PTPRD: variants seen among roughly 807,000 people sequenced by gnomAD.
PTPRD encodes the protein receptor-type tyrosine-protein phosphatase delta.
A neutral mutation model predicts 214.5 loss-of-function variants in PTPRD; 34 were observed. The observed-to-expected ratio is 0.16, with a 90% confidence interval of 0.12 to 0.21. The LOEUF is 0.21. Among genes scored for constraint, PTPRD ranks in the 10% least tolerant of loss-of-function variants. PTPRD has a pLI of 1.00. For missense variants in PTPRD, 2,545 were observed against 2,398.7 expected (o/e 1.06, Z -1.27); for synonymous variants, 1,128 against 845.7 (o/e 1.33, Z -5.79).
At chr9:9,822,050 A>G (rs1245609648) in intron 5 of PTPRD, among the ~76,000 whole-genome samples, 2 of 151,770 alleles carry the variant, frequency 1.3e-5, no homozygotes, top group Non-Finnish European at 2.9e-5. Context: ...TGCCAAAGGC[A>G]TCATGTCCAA....
chr9:8,852,824 A>T (rs1027926212), intron 11 of PTPRD, among the ~76,000 whole-genome samples: 3 of 152,186 alleles, frequency 2.0e-5, no homozygotes, highest in East Asian at 3.8e-4. Flanking sequence ...CCAACTGAGT[A>T]GTATTAATAT....
chr9:9,337,856 G>A (rs1336786838), intron 9 of PTPRD, among the ~76,000 whole-genome samples: 1 of 152,136 alleles, frequency 6.6e-6, no homozygotes, highest in African/African-American at 2.4e-5. Context: ...CACACTTTGT[G>A]CTTCTACCCC....
At chr9:8,675,368 C>T (rs2097380619) in intron 12 of PTPRD, among the ~76,000 whole-genome samples, 1 of 151,890 alleles carries the variant, frequency 6.6e-6, no homozygotes, top group Non-Finnish European at 1.5e-5. Context: ...TAAATGTTGA[C>T]TATTACAGAT....
At chr9:9,239,810 C>G (rs2099969448) in intron 9 of PTPRD, among the ~76,000 whole-genome samples, 1 of 152,164 alleles carries the variant, frequency 6.6e-6, no homozygotes, top group Non-Finnish European at 1.5e-5. Flanking sequence ...TCACAGCTGT[C>G]TGACCTCTAT....
At chr9:8,834,750 T>G (rs1292500520) in intron 11 of PTPRD, among the ~76,000 whole-genome samples, 1 of 152,152 alleles carries the variant, frequency 6.6e-6, no homozygotes, top group Non-Finnish European at 1.5e-5. Flanking sequence ...ACCAAAACAA[T>G]GAGCTGGAAC....
At chr9:10,034,290 C>G (rs2097136335) in intron 3 of PTPRD, among the ~76,000 whole-genome samples, 1 of 151,940 alleles carries the variant, frequency 6.6e-6, no homozygotes, top group African/African-American at 2.4e-5. Flanking sequence ...GACATTCTTT[C>G]TTACGATAAT....
At chr9:10,025,075 G>A (rs978290791) in intron 4 of PTPRD, among the ~76,000 whole-genome samples, 1 of 151,666 alleles carries the variant, frequency 6.6e-6, no homozygotes, top group South Asian at 2.1e-4. Context: ...ATTGTGAATA[G>A]TGCCGCAATA....
At chr9:9,878,215 T>A (rs937418467) in intron 5 of PTPRD, among the ~76,000 whole-genome samples, 3 of 152,120 alleles carry the variant, frequency 2.0e-5, no homozygotes, top group African/African-American at 7.2e-5. Flanking sequence ...TGAGAAAGTA[T>A]CACGCAGAAA....
At chr9:10,296,448 A>G (rs749568137) in intron 3 of PTPRD, among the ~76,000 whole-genome samples, 12 of 151,956 alleles carry the variant, frequency 7.9e-5, no homozygotes, top group Admixed American at 6.6e-5. Context: ...TTGTTTCCTT[A>G]CCCCAACCTA....
chr9:10,583,679 CATGTTAGTCAGGAT>C (rs1405182439), intron 2 of PTPRD, among the ~76,000 whole-genome samples: 1 of 151,750 alleles, frequency 6.6e-6, no homozygotes, highest in Non-Finnish European at 1.5e-5. Context: ...AGAGTTTCAC[CATGTTAGTCAGGAT>C]GGTCTCGATC....
rs1289284950 is a variant in PTPRD at position 8,317,925 on chromosome 9, G to A, written c.5688C>T (p.Ser1896=). ...CCAGGTACTCTAGTGCGGCACGATAGGAAAACTGATATTGATCCTGCAGGA... is the reference window on the plus strand; with the variant it reads ...CCAGGTACTCTAGTGCGGCACGATAAGAAAACTGATATTGATCCTGCAGGA... ...MVQTEDQYQF[S]YRAALEYLGS... The change falls in exon 46 of 46, where the codon TCC becomes TCT. Residue 1896 remains serine (S), a synonymous_variant. Transcript: ENST00000381196. 1.2e-6 allele frequency: 2 copies of A among 1,611,950 alleles called. No individual in the cohort carries two copies. Among genetic ancestry groups the A allele is most frequent in the African/African-American group, 1.3e-5 (1 of 74,828 alleles).
chr9:8,433,261 A>G (rs2095176099), intron 35 of PTPRD, among the ~76,000 whole-genome samples: 1 of 152,184 alleles, frequency 6.6e-6, no homozygotes, highest in African/African-American at 2.4e-5. Flanking sequence ...GTGTAATTAA[A>G]CTTATTCTGC....
At position 8,524,873 on chromosome 9, in the gene PTPRD, A is replaced by G; in HGVS notation, c.679+52T>C. ...ACAACACGGACCCTGCGGCGTCTCAACTCCCCCTGAGCCTGAATGAAGAAG... is the reference window on the plus strand; with the variant it reads ...ACAACACGGACCCTGCGGCGTCTCAGCTCCCCCTGAGCCTGAATGAAGAAG... On this transcript the variant is annotated intron_variant, in intron 18 of 45. Transcript: ENST00000381196. 3 of 1,499,204 alleles carry G rather than the reference A, an allele frequency of 2.0e-6. No homozygotes were observed. In the East Asian group the frequency reaches 6.8e-5, roughly 34 times the overall value. 92.9% of individuals were successfully genotyped at this position (1,499,204 alleles called of 1,614,324 possible).
intron 9 of PTPRD, among the ~76,000 whole-genome samples, chr9:9,320,068 T>A (rs1394913999): frequency 6.6e-6 from 1 of 152,172 alleles, no homozygotes; most frequent in Non-Finnish European, 1.5e-5. Context: ...CTCATTTTTG[T>A]TTTAAATGAA....
At chr9:8,609,195 G>A (rs1308141554) in intron 14 of PTPRD, among the ~76,000 whole-genome samples, 2 of 152,074 alleles carry the variant, frequency 1.3e-5, no homozygotes, top group South Asian at 4.1e-4. Context: ...CTGATATTCC[G>A]GGAAGATGAG....
chr9:9,698,624 C>T (rs1216078379), intron 7 of PTPRD, among the ~76,000 whole-genome samples: 2 of 152,180 alleles, frequency 1.3e-5, no homozygotes, highest in Non-Finnish European at 2.9e-5. Flanking sequence ...CCACTCCAGT[C>T]TCTGGCTGTC....
At chr9:9,413,450 A>G (rs543122414) in intron 8 of PTPRD, among the ~76,000 whole-genome samples, 3 of 152,286 alleles carry the variant, frequency 2.0e-5, no homozygotes, top group South Asian at 2.1e-4. Flanking sequence ...TCTACATTTA[A>G]CTGGTTAGTA....
rs183912437 is a variant in PTPRD, at chr9:9,792,447, A to G, written c.-367-25596T>C. On this transcript the variant is annotated intron_variant, in intron 5 of 45. Transcript: ENST00000381196. Reference sequence around the variant, plus strand: ...GACTTATAGCACTCTTTTTTTGTACATTAGTGTAACCTAATGATGTTCAAT... The same window carrying G: ...GACTTATAGCACTCTTTTTTTGTACGTTAGTGTAACCTAATGATGTTCAAT... Among the ~76,000 whole-genome samples, 134 of 152,232 alleles carry G rather than the reference A, an allele frequency of 8.8e-4. 1 individual carries two copies. The highest frequency in any genetic ancestry group is 3.1e-3 in the African/African-American group (128 of 41,552).
chr9:10,170,388 C>G, intron 3 of PTPRD, among the ~76,000 whole-genome samples: 1 of 152,080 alleles, frequency 6.6e-6, no homozygotes, highest in East Asian at 1.9e-4. Flanking sequence ...AAAATAAAAT[C>G]GTGTTTTAGA....
Sources: gnomAD v4.1 joint callset for allele counts (sites outside exome capture counted in the v4.1 genomes callset) on GRCh38, gnomAD v4.1.1 for gene constraint, MANE v1.5 for transcripts, NCBI Gene and HGNC (gene_info 2026-07-23, HGNC 2026-07-21) for gene names.